ANKRD36B: variants seen among roughly 807,000 people sequenced by gnomAD.
ANKRD36B encodes the protein ankyrin repeat domain 36B.
Under a neutral mutation model 135.7 loss-of-function variants are expected in ANKRD36B, and 37 were observed. The observed-to-expected ratio is 0.27, with a 90% CI of 0.21 to 0.36. The LOEUF is 0.36. Ranked by LOEUF, ANKRD36B falls within the 10% of genes least tolerant of loss-of-function variation. ANKRD36B has a pLI of 1.00. For synonymous variants in ANKRD36B, 179 were observed against 348.1 expected, an observed-to-expected ratio of 0.51 and a Z score of 5.41; for missense variants, 549 against 1,037.1, an observed-to-expected ratio of 0.53 and a Z score of 6.46.
chr2:97,559,561 C>G (rs2080839344), intron 8 of ANKRD36B, among the ~76,000 whole-genome samples: 1 of 151,904 alleles, frequency 6.6e-6, no homozygotes, highest in South Asian at 2.1e-4. Context: ...CATTATTTCT[C>G]ACACCCATGT....
intron 18 of ANKRD36B, among the ~76,000 whole-genome samples, chr2:97,550,823 G>A (rs573690410): frequency 0.01 from 1,557 of 151,764 alleles, 21 homozygotes; most frequent in African/African-American, 0.035. Context: ...CCACATTCCT[G>A]CCTCACAATC....
In ANKRD36B at chr2:97,525,920, C is replaced by T. The variant is rs2078181788; in HGVS notation, c.2266-2453G>A. On this transcript the variant is annotated intron_variant, in intron 35 of 43. Transcript: ENST00000359901. ...GCTGGGAATCTCAAACTGGGTGGAACCCACCACAGCTCAAGGAGGCCTTCC... is the reference window on the plus strand; with the variant it reads ...GCTGGGAATCTCAAACTGGGTGGAATCCACCACAGCTCAAGGAGGCCTTCC... Among the ~76,000 whole-genome samples the T allele has an allele frequency of 2.0e-5, 2 of 98,234 alleles. 1 individual carries two copies. The highest frequency in any genetic ancestry group is 1.8e-4 in the Admixed American group (2 of 11,250). The allele number at this position is 98,234 out of a possible 152,430, so 64.4% of individuals were successfully genotyped here. A position where few individuals can be genotyped will look rare whatever the true frequency, so the allele number is the denominator to read the frequency against.
In ANKRD36B at chr2:97,555,237, G is replaced by T; in HGVS notation, c.1087C>A (p.Pro363Thr). ...GAGAATTTAATTACCTTTGAGGCTG[G>T]TTGTTTCTGAGAAGACACTGAAAAG... The part of the protein sequence containing the change: ...KSGTVSSQKQ[P>T]ASKTASDKTD... The change falls in exon 13 of 44, where the codon CCA (proline) becomes ACA (threonine). Residue 363 changes from proline (P) to threonine (T), a missense_variant. By Grantham distance (38) the Pro-to-Thr change is conservative (BLOSUM62 -1). Transcript: ENST00000359901. 6.2e-7 allele frequency: 1 copy of T among 1,611,184 alleles called. No individual in the cohort carries two copies. Among genetic ancestry groups the T allele is most frequent in the East Asian group, 2.2e-5 (1 of 44,692 alleles).
At chr2:97,587,527 G>A (rs2083099591) in intron 1 of ANKRD36B, among the ~76,000 whole-genome samples, 1 of 151,968 alleles carries the variant, frequency 6.6e-6, no homozygotes, top group African/African-American at 2.4e-5. Flanking sequence ...CCCATCCTAT[G>A]GATGCACTGA....
At position 97,569,654 on chromosome 2, in the gene ANKRD36B, G is replaced by A. The variant is rs183577607; in HGVS notation, c.763+6725C>T. Among the ~76,000 whole-genome samples the A allele has an allele frequency of 8.1e-5, 12 of 148,304 alleles. No homozygotes were observed. The East Asian group carries it at 2.5e-3, about 31-fold the overall frequency. On this transcript the variant is annotated intron_variant, in intron 6 of 43. Coordinates refer to ENST00000359901, the MANE Select transcript of ANKRD36B (RefSeq NM_001393939.1). ...GGGGGGAGCTATGAACGTGAGGGGG[G>A]ATGGCGTATGTGAAAAATCTCTTTA...
chr2:97,569,089 G>A lies in ANKRD36B; in HGVS notation c.763+7290C>T, dbSNP rs80119649. Among the ~76,000 whole-genome samples the A allele has an allele frequency of 1.2e-4, 19 of 152,078 alleles. No individual in the cohort carries two copies. The East Asian group carries it at 3.7e-3, about 29-fold the overall frequency. On this transcript the variant is annotated intron_variant, in intron 6 of 43. Transcript: ENST00000359901. ...TCCCTTTCCACTGCTAGTCTATCTG[G>A]ACCCATCTCACAGAAAAGGATGATC...
rs1032149261 is a variant in ANKRD36B, at chr2:97,556,969, G to A, written c.1037C>T (p.Thr346Ile). The change falls in exon 12 of 44, where the codon ACA becomes ATA. Residue 346 changes from threonine (T) to isoleucine (I), a missense_variant. Thr to Ile is a moderately conservative substitution (Grantham distance 89). Transcript: ENST00000359901. ...AGATTTCCCACCGCCCATTATTCTT[G>A]TGGCAATATTCAAAAGAGAAACTTT... ...KKKVSLLNIA[T>I]RIMGGGKSGT... 3 of 1,589,404 alleles carry A rather than the reference G, an allele frequency of 1.9e-6. No homozygotes were observed. The highest frequency in any genetic ancestry group is 2.6e-6 in the Non-Finnish European group (3 of 1,168,062).
At chr2:97,567,414 TC>T (rs777206682) in intron 6 of ANKRD36B, among the ~76,000 whole-genome samples, 241 of 151,686 alleles carry the variant, frequency 1.6e-3, no homozygotes, top group Non-Finnish European at 3.0e-3. Flanking sequence ...GTCCCAACCC[TC>T]TAATCACACC....
Position 97,539,958 on chromosome 2 carries a change from C to A in ANKRD36B, c.1987+76G>T. The A allele has an allele frequency of 3.0e-6, 2 of 677,008 alleles. 1 individual carries two copies. The highest frequency in any genetic ancestry group is 4.8e-6 in the Non-Finnish European group (2 of 413,094). The allele number at this position is 677,008 out of a possible 1,614,324, so 41.9% of individuals were successfully genotyped here. ...AATGTGCAGCTGCGACGAACCCCCC[C>A]GCTGATTTATTTGGGGAAGAGAAGT... On this transcript the variant is annotated intron_variant, in intron 30 of 43. Transcript: ENST00000359901.
intron 12 of ANKRD36B, among the ~76,000 whole-genome samples, chr2:97,556,637 G>T (rs905914110): frequency 1.2e-4 from 18 of 151,694 alleles, no homozygotes; most frequent in African/African-American, 4.4e-4. Flanking sequence ...CCTCTCCATA[G>T]AAACATGCTC....
intron 32 of ANKRD36B, among the ~76,000 whole-genome samples, chr2:97,537,471 T>C (rs967806594): frequency 1.0e-5 from 1 of 97,118 alleles, no homozygotes; most frequent in African/African-American, 3.1e-5. Context: ...ATAAAGAATA[T>C]ATGTCTGATG....
intron 35 of ANKRD36B, chr2:97,524,028 C>A (rs2104386397): frequency 1.3e-5 from 1 of 75,584 alleles, no homozygotes. Flanking sequence ...GATGTTCTGT[C>A]ACCATGTGGT....
intron 6 of ANKRD36B, among the ~76,000 whole-genome samples, chr2:97,575,549 CT>C (rs1167338290): frequency 6.7e-6 from 1 of 148,964 alleles, no homozygotes; most frequent in Non-Finnish European, 1.5e-5. Flanking sequence ...AACTGTACCT[CT>C]TTTCTGCTTC....
intron 35 of ANKRD36B, among the ~76,000 whole-genome samples, chr2:97,531,878 T>A (rs1313075762): frequency 1.0e-5 from 1 of 96,420 alleles, no homozygotes; most frequent in Non-Finnish European, 2.8e-5. Flanking sequence ...GAAAATAAAT[T>A]CTTAACCTTG....
intron 35 of ANKRD36B, among the ~76,000 whole-genome samples, chr2:97,529,660 G>T (rs2078449722): frequency 1.0e-5 from 1 of 95,814 alleles, no homozygotes; most frequent in South Asian, 2.4e-4. Flanking sequence ...AAACCCCATT[G>T]TCTCAGCCCA....
intron 6 of ANKRD36B, among the ~76,000 whole-genome samples, chr2:97,575,039 C>T (rs1252919942): frequency 6.6e-6 from 1 of 151,420 alleles, no homozygotes; most frequent in Non-Finnish European, 1.5e-5. Context: ...CGCCAAAGAG[C>T]TTTTAAAAGT....
intron 6 of ANKRD36B, among the ~76,000 whole-genome samples, chr2:97,571,060 T>C: frequency 6.6e-6 from 1 of 152,184 alleles, no homozygotes; most frequent in Non-Finnish European, 1.5e-5. Flanking sequence ...AATCCTATTT[T>C]AACCAGAATA....
intron 6 of ANKRD36B, among the ~76,000 whole-genome samples, chr2:97,568,539 C>G (rs1323956101): frequency 6.6e-6 from 1 of 152,098 alleles, no homozygotes; most frequent in African/African-American, 2.4e-5. Context: ...ATGTAAGGTA[C>G]AAACAATCCT....
rs1229123367 is a variant in ANKRD36B, at chr2:97,537,179, G to A, written c.2090-683C>T. Among the ~76,000 whole-genome samples, 5 of 95,776 alleles carry A rather than the reference G, an allele frequency of 5.2e-5. 2 individuals carry two copies. The highest frequency in any genetic ancestry group is 1.4e-4 in the Non-Finnish European group (5 of 36,130). 62.8% of individuals were successfully genotyped at this position (95,776 alleles called of 152,430 possible). A position where few individuals can be genotyped will look rare whatever the true frequency, so the allele number is the denominator to read the frequency against. Reference sequence around the variant, plus strand: ...GAAGGTCTAATATATAAACCCCATCGAAAAGTATAATAAATTATACATATT... The same window carrying A: ...GAAGGTCTAATATATAAACCCCATCAAAAAGTATAATAAATTATACATATT... On this transcript the variant is annotated intron_variant, in intron 32 of 43. Transcript: ENST00000359901.
Sources: allele counts gnomAD v4.1 joint callset (sites outside exome capture counted in the v4.1 genomes callset), GRCh38; gene constraint gnomAD v4.1.1; transcripts MANE v1.5; gene names NCBI Gene and HGNC (gene_info 2026-07-23, HGNC 2026-07-21).